PIBF1: variants seen among roughly 807,000 people sequenced by gnomAD.
PIBF1 encodes the protein progesterone immunomodulatory binding factor 1, also known as progesterone-induced-blocking factor 1.
In PIBF1, 90 loss-of-function variants were observed where a neutral mutation model predicts 112.5. The ratio of observed to expected loss-of-function variants is 0.80; its 90% CI spans 0.67 to 0.95. PIBF1 has a LOEUF of 0.95. Ranked by LOEUF, PIBF1 falls within the 40% of genes least tolerant of loss-of-function variation. PIBF1 has a pLI of 0.00. For missense variants in PIBF1, 915 were observed against 852.3 expected, an observed-to-expected ratio of 1.07 and a Z score of -0.92; for synonymous variants, 301 against 288.6, an observed-to-expected ratio of 1.04 and a Z score of -0.44.
At chr13:72,868,752 G>C (rs2039028904) in intron 10 of PIBF1, among the ~76,000 whole-genome samples, 1 of 150,340 alleles carries the variant, frequency 6.7e-6, no homozygotes, top group Non-Finnish European at 1.5e-5. Flanking sequence ...GGGAGGCCAT[G>C]GTGGGAGGAT....
intron 4 of PIBF1, among the ~76,000 whole-genome samples, chr13:72,797,533 C>A (rs1370392856): frequency 6.6e-6 from 1 of 152,098 alleles, no homozygotes; most frequent in Non-Finnish European, 1.5e-5. Context: ...ATGAGCCATG[C>A]ATTTATATGG....
chr13:72,898,128 G>A (rs1420362609), intron 11 of PIBF1, among the ~76,000 whole-genome samples: 5 of 151,954 alleles, frequency 3.3e-5, no homozygotes, highest in Non-Finnish European at 7.4e-5. Context: ...AGACTGCAGT[G>A]GAATAAAACT....
intron 14 of PIBF1, among the ~76,000 whole-genome samples, chr13:72,962,368 A>G (rs567049022): frequency 1.3e-5 from 2 of 152,324 alleles, no homozygotes; most frequent in South Asian, 4.1e-4. Context: ...GGCCAAGGCC[A>G]GAAGAATTGC....
chr13:72,789,211 G>A (rs1052217300), intron 2 of PIBF1, among the ~76,000 whole-genome samples: 1 of 151,692 alleles, frequency 6.6e-6, no homozygotes, highest in South Asian at 2.1e-4. Context: ...TTTAGACAGG[G>A]TCTCACTCTC....
intron 10 of PIBF1, among the ~76,000 whole-genome samples, chr13:72,857,269 G>A (rs759333412): frequency 3.9e-5 from 6 of 152,112 alleles, no homozygotes; most frequent in Non-Finnish European, 8.8e-5. Flanking sequence ...AGATTTAAAT[G>A]TAAAACCATT....
chr13:72,924,721 A>T (rs1006491457), intron 13 of PIBF1, among the ~76,000 whole-genome samples: 1 of 152,212 alleles, frequency 6.6e-6, no homozygotes, highest in Non-Finnish European at 1.5e-5. Context: ...TGCCAGAAAA[A>T]AAAAAAAGAA....
intron 9 of PIBF1, among the ~76,000 whole-genome samples, chr13:72,844,752 C>CTT (rs2037767718): frequency 6.4e-5 from 6 of 94,040 alleles, no homozygotes; most frequent in South Asian, 4.1e-4. Flanking sequence ...CACACACACA[C>CTT]ACACACACAC....
At chr13:72,909,423 A>G (rs1387717943) in intron 12 of PIBF1, among the ~76,000 whole-genome samples, 1 of 152,208 alleles carries the variant, frequency 6.6e-6, no homozygotes, top group Non-Finnish European at 1.5e-5. Context: ...GAGATCATTA[A>G]TTAATCCCAC....
At chr13:72,839,309 C>T (rs1273022382) in intron 9 of PIBF1, among the ~76,000 whole-genome samples, 2 of 152,078 alleles carry the variant, frequency 1.3e-5, no homozygotes, top group Non-Finnish European at 2.9e-5. Context: ...GATGAGAACT[C>T]GTTAAGGATG....
intron 2 of PIBF1, among the ~76,000 whole-genome samples, chr13:72,789,330 G>A (rs1035098855): frequency 4.6e-5 from 7 of 152,038 alleles, no homozygotes; most frequent in African/African-American, 1.4e-4. Flanking sequence ...GACTACAGGC[G>A]TGTACCACCA....
At chr13:72,885,260 C>T (rs997733560) in intron 10 of PIBF1, among the ~76,000 whole-genome samples, 1 of 152,054 alleles carries the variant, frequency 6.6e-6, no homozygotes, top group Non-Finnish European at 1.5e-5. Flanking sequence ...ATTTTGGCTT[C>T]TCTTTTCTTC....
intron 11 of PIBF1, among the ~76,000 whole-genome samples, chr13:72,896,891 G>A (rs953233002): frequency 1.3e-5 from 2 of 152,138 alleles, no homozygotes; most frequent in African/African-American, 4.8e-5. Flanking sequence ...AATAATTGAG[G>A]AAAACTTCCC....
chr13:72,890,241 C>A (rs2040008496), intron 10 of PIBF1, among the ~76,000 whole-genome samples: 1 of 152,194 alleles, frequency 6.6e-6, no homozygotes, highest in South Asian at 2.1e-4. Context: ...GATGTCTCTC[C>A]TGTGGTTATT....
intron 9 of PIBF1, among the ~76,000 whole-genome samples, chr13:72,852,965 G>T (rs1298458912): frequency 6.6e-6 from 1 of 151,946 alleles, no homozygotes; most frequent in Non-Finnish European, 1.5e-5. Flanking sequence ...TAAAAAGTAG[G>T]TTATAACATA....
intron 8 of PIBF1, among the ~76,000 whole-genome samples, chr13:72,829,943 C>T (rs116112524): frequency 0.028 from 4,315 of 152,218 alleles, 211 homozygotes; most frequent in African/African-American, 0.098. Context: ...TTTATGTCCT[C>T]GCTTATTTCT....
At chr13:72,808,656 G>A (rs1319926790) in intron 5 of PIBF1, among the ~76,000 whole-genome samples, 1 of 152,098 alleles carries the variant, frequency 6.6e-6, no homozygotes, top group African/African-American at 2.4e-5. Flanking sequence ...TGTTTAGAGG[G>A]TAGCCAGATA....
chr13:72,871,669 C>G (rs2039172009), intron 10 of PIBF1, among the ~76,000 whole-genome samples: 1 of 152,128 alleles, frequency 6.6e-6, no homozygotes, highest in Admixed American at 6.6e-5. Flanking sequence ...TCATCTTTTC[C>G]TAGCTCTGGA....
chr13:72,975,791 C>T (rs1382026456), intron 16 of PIBF1, among the ~76,000 whole-genome samples: 5 of 152,214 alleles, frequency 3.3e-5, no homozygotes. Context: ...ATTCTGCTTT[C>T]AAGTAATTGT....
intron 9 of PIBF1, among the ~76,000 whole-genome samples, chr13:72,846,303 A>G (rs1213215305): frequency 1.3e-5 from 2 of 152,064 alleles, no homozygotes; most frequent in Non-Finnish European, 1.5e-5. Context: ...TCCATATTCT[A>G]TTCATTAGCA....
Sources: gnomAD v4.1 joint callset for allele counts (sites outside exome capture counted in the v4.1 genomes callset) on GRCh38, gnomAD v4.1.1 for gene constraint, MANE v1.5 for transcripts, NCBI Gene and HGNC (gene_info 2026-07-23, HGNC 2026-07-21) for gene names.